SYNPO2: variants seen among roughly 807,000 people sequenced by gnomAD.
SYNPO2 encodes synaptopodin-2.
A neutral mutation model predicts 85.0 loss-of-function variants in SYNPO2; 56 were observed. The observed-to-expected ratio is 0.66, with a 90% CI of 0.53 to 0.82. The LOEUF is 0.82. Among genes scored for constraint, SYNPO2 ranks in the 40% least tolerant of loss-of-function variants. SYNPO2 has a pLI of 0.00. For missense variants in SYNPO2, 1,575 were observed against 1,534.2 expected, an observed-to-expected ratio of 1.03 and a Z score of -0.44; for synonymous variants, 602 against 591.1, an observed-to-expected ratio of 1.02 and a Z score of -0.27.
At chr4:118,982,948 C>A (rs1197036498) in intron 1 of SYNPO2, among the ~76,000 whole-genome samples, 2 of 152,150 alleles carry the variant, frequency 1.3e-5, no homozygotes, top group East Asian at 1.9e-4. Context: ...CTAATGGAAG[C>A]TACTCAGATG....
rs969512329 is a variant in SYNPO2, at chr4:118,871,760, G to A, written c.12+20820G>A. Among the ~76,000 whole-genome samples, 10 of 152,086 alleles carry A rather than the reference G, an allele frequency of 6.6e-5. No individual in the cohort carries two copies. The East Asian group carries it at 1.4e-3, about 21-fold the overall frequency. ...AATTTGTTGTATTTTTAGTAGAGGC[G>A]GGGTTTCACATTGTTAGCCAGGATG... On this transcript the variant is annotated intron_variant, in intron 1 of 4. Coordinates refer to the SYNPO2 transcript ENST00000610556.
chr4:118,903,904 C>T (rs1312254151), intron 1 of SYNPO2, among the ~76,000 whole-genome samples: 3 of 151,912 alleles, frequency 2.0e-5, no homozygotes, highest in Non-Finnish European at 2.9e-5. Flanking sequence ...GTAGTTTCAA[C>T]AAGGGGTTTC....
chr4:118,986,692 G>A (rs572590708), intron 1 of SYNPO2, among the ~76,000 whole-genome samples: 9 of 152,244 alleles, frequency 5.9e-5, no homozygotes, highest in East Asian at 5.8e-4. Context: ...ACGACTGGCC[G>A]CAGGGAGCAT....
At chr4:119,005,904 G>A (rs1303263106) in intron 1 of SYNPO2, 1 of 152,078 alleles carries the variant, frequency 6.6e-6, no homozygotes, top group Non-Finnish European at 1.5e-5. Flanking sequence ...AAATCCAGTT[G>A]GAGCATTCAG....
In SYNPO2 at chr4:119,058,078, G is replaced by C. The variant is rs1180139655; in HGVS notation, c.*144G>C. The C allele has an allele frequency of 3.9e-5, 2 of 51,666 alleles. No individual in the cohort carries two copies. Among genetic ancestry groups the C allele is most frequent in the Non-Finnish European group, 6.7e-5 (2 of 29,686 alleles). The allele number at this position is 51,666 out of a possible 1,614,324, so 3.2% of individuals were successfully genotyped here. Reference sequence around the variant, plus strand: ...GTCATTTATCTAAGTTTGTGTTTCTGTGTGTGTGTGTGTGTGTGTATGTAT... The same window carrying C: ...GTCATTTATCTAAGTTTGTGTTTCTCTGTGTGTGTGTGTGTGTGTATGTAT... On this transcript the variant is annotated 3_prime_UTR_variant, in exon 5 of 5. Coordinates refer to ENST00000307142, the MANE Select transcript of SYNPO2 (RefSeq NM_133477.3).
At chr4:118,870,933 T>C (rs1731788310) in intron 1 of SYNPO2, among the ~76,000 whole-genome samples, 1 of 152,182 alleles carries the variant, frequency 6.6e-6, no homozygotes, top group Non-Finnish European at 1.5e-5. Context: ...AAAAATCTTA[T>C]TTATCACTCA....
In SYNPO2 at chr4:119,059,364, T is replaced by G. The variant is rs1302051150; in HGVS notation, c.*1430T>G. 1 of 152,184 alleles carries G rather than the reference T, an allele frequency of 6.6e-6. No homozygotes were observed. Among genetic ancestry groups the G allele is most frequent in the Non-Finnish European group, 1.5e-5 (1 of 68,032 alleles). 9.4% of individuals were successfully genotyped at this position (152,184 alleles called of 1,614,324 possible). ...AGAAGCCTATGTAACAAGTGGTGCT[T>G]CTTTAGAAAGTTGTCATTAGAATGT... On this transcript the variant is annotated 3_prime_UTR_variant, in exon 5 of 5. Transcript: ENST00000307142.
chr4:119,017,541 G>C (rs938591608), intron 1 of SYNPO2, among the ~76,000 whole-genome samples: 8 of 80,772 alleles, frequency 9.9e-5, no homozygotes, highest in African/African-American at 3.1e-4. Flanking sequence ...TACATTTTCT[G>C]TCAAAAAAAA....
chr4:118,921,802 C>T (rs1178445575), intron 1 of SYNPO2, among the ~76,000 whole-genome samples: 2 of 151,702 alleles, frequency 1.3e-5, no homozygotes, highest in Non-Finnish European at 2.9e-5. Flanking sequence ...CACACACACA[C>T]ATACTCTTTT....
chr4:118,924,820 T>C (rs1239565260), intron 1 of SYNPO2, among the ~76,000 whole-genome samples: 1 of 152,184 alleles, frequency 6.6e-6, no homozygotes, highest in African/African-American at 2.4e-5. Context: ...GGCCACTCTA[T>C]AGGCAATGAA....
chr4:118,890,725 C>CTCTCTT (rs1560828802), intron 1 of SYNPO2, among the ~76,000 whole-genome samples: 1 of 146,182 alleles, frequency 6.8e-6, no homozygotes, highest in Non-Finnish European at 1.5e-5. Flanking sequence ...CTCTCTCTCT[C>CTCTCTT]TCTCTCTCTG....
intron 4 of SYNPO2, chr4:119,032,929 T>TTGCCC: frequency 4.3e-5 from 39 of 905,170 alleles, no homozygotes; most frequent in South Asian, 1.5e-4. Flanking sequence ...AAAGGTTGAT[T>TTGCCC]CCCACCCTCC....
At chr4:118,972,336 TAGGAAGCTG>T (rs2149156880) in intron 1 of SYNPO2, among the ~76,000 whole-genome samples, 1 of 151,950 alleles carries the variant, frequency 6.6e-6, no homozygotes, top group African/African-American at 2.4e-5. Flanking sequence ...CCCAGCTACT[TAGGAAGCTG>T]AGGTGGAAGG....
chr4:118,979,556 T>C (rs1278950974), intron 1 of SYNPO2, among the ~76,000 whole-genome samples: 1 of 152,244 alleles, frequency 6.6e-6, no homozygotes, highest in African/African-American at 2.4e-5. Flanking sequence ...GGGCAAGGCC[T>C]ATCCCTGGCC....
chr4:118,868,272 A>G (rs1018451990), intron 1 of SYNPO2, among the ~76,000 whole-genome samples: 1 of 152,152 alleles, frequency 6.6e-6, no homozygotes, highest in African/African-American at 2.4e-5. Context: ...GATTTTTTAA[A>G]ATGCATTCAT....
Position 119,031,154 on chromosome 4 carries a change from C to T in SYNPO2, c.2379C>T (p.Pro793=), listed in dbSNP as rs1274877327. The change falls in exon 4 of 5, where the codon CCC becomes CCT. Residue 793 remains proline, a synonymous_variant. Transcript: ENST00000307142. ...GVAPTQPPAF[P]TSNPSKGTVV... ...CTCCCACCCAACCTCCTGCCTTCCC[C>T]ACATCCAACCCATCAAAGGGCACCG... The T allele has an allele frequency of 1.2e-6, 2 of 1,614,062 alleles. No homozygotes were observed. Among genetic ancestry groups the T allele is most frequent in the African/African-American group, 2.7e-5 (2 of 74,916 alleles).
rs70944828 is a variant in SYNPO2, at chr4:119,058,464, CTTTTTTTTTT to C, written c.*547_*556del. 3.7e-5 allele frequency: 4 copies of C among 109,312 alleles called. No individual in the cohort carries two copies. The highest frequency in any genetic ancestry group is 1.2e-4 in the Admixed American group (1 of 8,102). 6.8% of individuals were successfully genotyped at this position (109,312 alleles called of 1,614,324 possible). On this transcript the variant is annotated 3_prime_UTR_variant, in exon 5 of 5. Transcript: ENST00000307142. ...CTTGGTGTTAAGTATTTCTCTGCAA[CTTTTTTTTTT>C]TTTTTTTTTTTTTTTTGAGATGGAG...
At chr4:119,034,698 G>T (rs1250645937) in intron 4 of SYNPO2, 35 of 985,380 alleles carry the variant, frequency 3.6e-5, no homozygotes, top group Non-Finnish European at 4.2e-5. Context: ...ATGGGAAGTG[G>T]GAGGAAGAAG....
intron 4 of SYNPO2, chr4:119,034,676 A>T: frequency 1.0e-6 from 1 of 985,504 alleles, no homozygotes; most frequent in Non-Finnish European, 1.2e-6. Context: ...GTCTGACCTC[A>T]CTCTGAGGGA....
Sources: allele counts gnomAD v4.1 joint callset (sites outside exome capture counted in the v4.1 genomes callset), GRCh38; gene constraint gnomAD v4.1.1; transcripts MANE v1.5; gene names NCBI Gene and HGNC (gene_info 2026-07-23, HGNC 2026-07-21).